ST6GALNAC3: variants seen among roughly 807,000 people sequenced by gnomAD.
The protein encoded by ST6GALNAC3 is ST6 N-acetylgalactosaminide alpha-2,6-sialyltransferase 3.
Under a neutral mutation model 32.7 loss-of-function variants are expected in ST6GALNAC3, and 25 were observed. The ratio of observed to expected loss-of-function variants is 0.76; its 90% CI spans 0.56 to 1.07. The LOEUF is 1.07. Among genes scored for constraint, ST6GALNAC3 ranks in the 50% least tolerant of loss-of-function variants. The probability of loss-of-function intolerance (pLI) is 0.00; values close to 1 mark genes in which losing one functional copy is unlikely to be tolerated. For missense variants in ST6GALNAC3, 355 were observed against 382.4 expected, an observed-to-expected ratio of 0.93 and a Z score of 0.60; for synonymous variants, 129 against 133.1, an observed-to-expected ratio of 0.97 and a Z score of 0.21.
intron 3 of ST6GALNAC3, among the ~76,000 whole-genome samples, chr1:76,486,008 T>A (rs1239667269): frequency 1.3e-5 from 2 of 152,228 alleles, no homozygotes; most frequent in African/African-American, 4.8e-5. Context: ...GAGCAGGTTG[T>A]TCAGTTTCCA....
At chr1:76,576,951 A>C in intron 3 of ST6GALNAC3, 1 of 1,287,264 alleles carries the variant, frequency 7.8e-7, no homozygotes, top group Admixed American at 2.5e-5. Flanking sequence ...AGAAAGAAAC[A>C]AACAAACAAA....
intron 1 of ST6GALNAC3, among the ~76,000 whole-genome samples, chr1:76,125,339 A>G (rs908777968): frequency 1.3e-5 from 2 of 152,008 alleles, no homozygotes; most frequent in Non-Finnish European, 2.9e-5. Flanking sequence ...GCACCTATTG[A>G]TTGATCCCTC....
intron 3 of ST6GALNAC3, among the ~76,000 whole-genome samples, chr1:76,437,796 G>A (rs1461507161): frequency 6.6e-6 from 1 of 151,596 alleles, no homozygotes; most frequent in African/African-American, 2.4e-5. Context: ...GGACGGTCTC[G>A]ATCTCTTGAC....
At chr1:76,627,588 A>T (rs749645115) in intron 4 of ST6GALNAC3, 29 bp downstream of exon 4, 4 of 1,480,400 alleles carry the variant, frequency 2.7e-6, no homozygotes, top group Non-Finnish European at 3.8e-6. Context: ...ATTTTTATGC[A>T]GCTCCAATTC....
chr1:76,113,231 C>G (rs945490837), intron 1 of ST6GALNAC3, among the ~76,000 whole-genome samples: 14 of 151,544 alleles, frequency 9.2e-5, no homozygotes, highest in Admixed American at 6.6e-4. Flanking sequence ...CGCAGGCACT[C>G]GGCAGGCTGA....
At chr1:76,102,586 T>C (rs1239871908) in intron 1 of ST6GALNAC3, among the ~76,000 whole-genome samples, 1 of 152,054 alleles carries the variant, frequency 6.6e-6, no homozygotes, top group Non-Finnish European at 1.5e-5. Flanking sequence ...TATTCTTTTA[T>C]TATTATTTTG....
intron 3 of ST6GALNAC3, among the ~76,000 whole-genome samples, chr1:76,578,367 G>A (rs954817129): frequency 2.0e-5 from 3 of 152,004 alleles, no homozygotes; most frequent in Non-Finnish European, 4.4e-5. Context: ...TCATAATCTG[G>A]ACTTTGTTAC....
intron 1 of ST6GALNAC3, among the ~76,000 whole-genome samples, chr1:76,297,960 T>G (rs767223498): frequency 2.6e-5 from 4 of 152,046 alleles, no homozygotes; most frequent in South Asian, 2.1e-4. Flanking sequence ...TACAAAAACT[T>G]AAGTTTTGTA....
intron 3 of ST6GALNAC3, among the ~76,000 whole-genome samples, chr1:76,437,883 A>G (rs1207394576): frequency 1.3e-5 from 2 of 151,648 alleles, no homozygotes; most frequent in Non-Finnish European, 2.9e-5. Flanking sequence ...CAAAATAGCT[A>G]TAATTCTACA....
chr1:76,361,426 A>T (rs1378642059), intron 2 of ST6GALNAC3, among the ~76,000 whole-genome samples: 4 of 152,140 alleles, frequency 2.6e-5, no homozygotes, highest in Non-Finnish European at 5.9e-5. Flanking sequence ...TATTTCCCAT[A>T]TAATATTCCA....
intron 1 of ST6GALNAC3, among the ~76,000 whole-genome samples, chr1:76,147,506 C>T (rs1263721623): frequency 6.6e-6 from 1 of 152,244 alleles, no homozygotes; most frequent in East Asian, 1.9e-4. Context: ...CTTCCCCCTT[C>T]CCCAGCATTT....
intron 1 of ST6GALNAC3, chr1:76,305,920 T>C (rs1198561783): frequency 1.9e-6 from 1 of 518,146 alleles, no homozygotes; most frequent in Admixed American, 1.9e-5. Flanking sequence ...CTCTAGAGCC[T>C]GTGTTCTAGT....
In ST6GALNAC3 at chr1:76,630,472, AG is replaced by A. The variant is rs1649237782; in HGVS notation, c.*1669del. On this transcript the variant is annotated 3_prime_UTR_variant, in exon 5 of 5. Transcript: ENST00000328299. ...ATACTCGTTGCTCATTAAATAGTAA[AG>A]GGTTGATTTGCTGCAAGAGTAGCTG... The A allele has an allele frequency of 2.0e-6, 2 of 985,146 alleles. No homozygotes were observed. The highest frequency in any genetic ancestry group is 2.4e-6 in the Non-Finnish European group (2 of 829,862). 61.0% of individuals were successfully genotyped at this position (985,146 alleles called of 1,614,324 possible).
chr1:76,265,915 T>C (rs1441212066), intron 1 of ST6GALNAC3, among the ~76,000 whole-genome samples: 1 of 152,216 alleles, frequency 6.6e-6, no homozygotes, highest in African/African-American at 2.4e-5. Flanking sequence ...TGCATAGGAC[T>C]GGTTAGGACC....
intron 3 of ST6GALNAC3, among the ~76,000 whole-genome samples, chr1:76,495,475 A>G (rs893553291): frequency 1.3e-5 from 2 of 152,096 alleles, no homozygotes; most frequent in Non-Finnish European, 2.9e-5. Context: ...ATCAATCCCT[A>G]AATTTTCTAG....
chr1:76,494,756 C>CAT, intron 3 of ST6GALNAC3, among the ~76,000 whole-genome samples: 1 of 151,346 alleles, frequency 6.6e-6, no homozygotes, highest in East Asian at 1.9e-4. Context: ...CACACACACA[C>CAT]ACACACACAC....
chr1:76,193,101 A>C (rs1323998583), intron 1 of ST6GALNAC3, among the ~76,000 whole-genome samples: 1 of 152,150 alleles, frequency 6.6e-6, no homozygotes, highest in East Asian at 1.9e-4. Flanking sequence ...TCTGAGTATA[A>C]CTTAAATTAG....
At chr1:76,435,440 ATTC>A (rs1318112832) in intron 3 of ST6GALNAC3, among the ~76,000 whole-genome samples, 2 of 152,180 alleles carry the variant, frequency 1.3e-5, no homozygotes, top group Non-Finnish European at 2.9e-5. Context: ...AATAAGGAAT[ATTC>A]TTTTTCATTT....
At chr1:76,612,059 A>G (rs150526018) in intron 3 of ST6GALNAC3, among the ~76,000 whole-genome samples, 4,527 of 152,244 alleles carry the variant, frequency 0.03, 90 homozygotes, top group Middle Eastern at 0.058. Context: ...ACATGGGAAA[A>G]CATATTTTTC....
Sources: gnomAD v4.1 joint callset for allele counts (sites outside exome capture counted in the v4.1 genomes callset) on GRCh38, gnomAD v4.1.1 for gene constraint, MANE v1.5 for transcripts, NCBI Gene and HGNC (gene_info 2026-07-23, HGNC 2026-07-21) for gene names.